Variants in BPIFC observed in about 807,000 individuals in gnomAD.
The protein encoded by BPIFC is BPI fold containing family C.
In BPIFC, 60 loss-of-function variants were observed where a neutral mutation model predicts 57.6. The observed-to-expected ratio is 1.04, with a 90% CI of 0.85 to 1.29. The LOEUF is 1.29. Ranked by LOEUF, BPIFC falls within the 50% of genes most tolerant of loss-of-function variation. The probability of loss-of-function intolerance (pLI) is 0.00; values close to 1 mark genes in which losing one functional copy is unlikely to be tolerated. For missense variants in BPIFC, 581 were observed against 600.5 expected, an observed-to-expected ratio of 0.97 and a Z score of 0.34; for synonymous variants, 243 against 224.5, an observed-to-expected ratio of 1.08 and a Z score of -0.74.
At chr22:32,422,764 G>A (rs5994567) in intron 13 of BPIFC, among the ~76,000 whole-genome samples, 3,590 of 152,128 alleles carry the variant, frequency 0.024, 129 homozygotes, top group African/African-American at 0.077. Flanking sequence ...AGAGTTGTGT[G>A]TGTGTATGTG....
At chr22:32,464,299 T>A (rs1238657173) in intron 1 of BPIFC, 75 bp downstream of exon 1, 5 of 660,276 alleles carry the variant, frequency 7.6e-6, no homozygotes, top group Admixed American at 6.3e-5. Flanking sequence ...GTTCAAAGTG[T>A]CCTACCAAAT....
intron 10 of BPIFC, among the ~76,000 whole-genome samples, chr22:32,434,703 G>A (rs1168336593): frequency 6.6e-6 from 1 of 152,154 alleles, no homozygotes; most frequent in Non-Finnish European, 1.5e-5. Flanking sequence ...GAAGTCTGCA[G>A]CTAGAAGTGT....
intron 13 of BPIFC, among the ~76,000 whole-genome samples, chr22:32,424,579 T>TCTTCTA: frequency 1.3e-5 from 1 of 76,764 alleles, no homozygotes; most frequent in East Asian, 3.4e-4. Context: ...TTTTCTTTCT[T>TCTTCTA]CTTCTTCTTC....
intron 13 of BPIFC, among the ~76,000 whole-genome samples, chr22:32,421,006 C>A (rs950410850): frequency 6.6e-6 from 1 of 152,174 alleles, no homozygotes; most frequent in African/African-American, 2.4e-5. Context: ...ACAGTTATAA[C>A]AGCACATAAT....
chr22:32,437,653 AG>A (rs1352919984), intron 9 of BPIFC, 106 bp downstream of exon 9: 2 of 778,616 alleles, frequency 2.6e-6, no homozygotes, highest in African/African-American at 3.5e-5. Flanking sequence ...GGCCTCCCAA[AG>A]TGCTGGGATT....
intron 4 of BPIFC, among the ~76,000 whole-genome samples, chr22:32,452,651 A>C (rs930234249): frequency 1.5e-4 from 22 of 147,690 alleles, no homozygotes; most frequent in Non-Finnish European, 3.0e-4. Flanking sequence ...AAAAAAAAAA[A>C]CACAAAAAAC....
chr22:32,449,739 T>TC (rs201593140), intron 4 of BPIFC, among the ~76,000 whole-genome samples: 2 of 106,894 alleles, frequency 1.9e-5, no homozygotes, highest in Non-Finnish European at 2.3e-5. Flanking sequence ...TGTACTTCTC[T>TC]TTTTTTCTTT....
intron 13 of BPIFC, among the ~76,000 whole-genome samples, chr22:32,425,501 G>A (rs182762090): frequency 3.9e-5 from 6 of 152,310 alleles, no homozygotes; most frequent in Admixed American, 2.0e-4. Flanking sequence ...TGAATCAGGG[G>A]ACTCTGGAAA....
intron 7 of BPIFC, among the ~76,000 whole-genome samples, chr22:32,444,532 A>G (rs1328622934): frequency 6.6e-6 from 1 of 152,152 alleles, no homozygotes; most frequent in Non-Finnish European, 1.5e-5. Context: ...ATCTCCCCCA[A>G]AATACAGGTA....
intron 3 of BPIFC, 65 bp from the exon 4 acceptor site, chr22:32,453,568 A>G: frequency 1.3e-6 from 2 of 1,502,046 alleles, no homozygotes; most frequent in East Asian, 2.3e-5. Flanking sequence ...AATAACATTA[A>G]CCACACAAAT....
intron 9 of BPIFC, among the ~76,000 whole-genome samples, chr22:32,436,376 GGAA>G (rs367609602): frequency 0.33 from 27,397 of 82,444 alleles, 2,830 homozygotes; most frequent in South Asian, 0.53. Context: ...AGGAGGAGGA[GGAA>G]GAGGAGGAGG....
chr22:32,459,656 C>G (rs372680562), intron 2 of BPIFC, among the ~76,000 whole-genome samples: 4 of 151,504 alleles, frequency 2.6e-5, no homozygotes, highest in African/African-American at 9.7e-5. Flanking sequence ...GAGTGAGACT[C>G]CATTTCCAAA....
Position 32,437,748 on chromosome 22 carries a change from T to C in BPIFC, c.747+12A>G. Reference sequence around the variant, plus strand: ...ACAGCCAGGCTGAGGATTCTGATGATGATAAAGTTACCTTCAAGTTCAGGT... The same window carrying C: ...ACAGCCAGGCTGAGGATTCTGATGACGATAAAGTTACCTTCAAGTTCAGGT... On this transcript the variant is annotated intron_variant, in intron 9 of 16. Coordinates refer to ENST00000300399, the MANE Select transcript of BPIFC (RefSeq NM_174932.3). 6.4e-7 allele frequency: 1 copy of C among 1,559,718 alleles called. No homozygotes were observed. The highest frequency in any genetic ancestry group is 8.8e-7 in the Non-Finnish European group (1 of 1,130,850).
intron 13 of BPIFC, among the ~76,000 whole-genome samples, chr22:32,422,082 T>C (rs1425535704): frequency 1.3e-5 from 2 of 152,148 alleles, no homozygotes; most frequent in Non-Finnish European, 2.9e-5. Context: ...TTGACTAGGC[T>C]CAGTGCCTCT....
chr22:32,418,794 T>C (rs1382426184), intron 14 of BPIFC, among the ~76,000 whole-genome samples: 1 of 152,066 alleles, frequency 6.6e-6, no homozygotes, highest in Non-Finnish European at 1.5e-5. Flanking sequence ...CATGAATGTA[T>C]GAGATAGTGA....
chr22:32,457,845 A>G (rs559146715), intron 2 of BPIFC, among the ~76,000 whole-genome samples: 13 of 152,220 alleles, frequency 8.5e-5, no homozygotes, highest in African/African-American at 2.4e-4. Flanking sequence ...CACACTTTAC[A>G]CAGTGCATAT....
At chr22:32,446,601 C>A (rs1934737300) in intron 5 of BPIFC, 1 of 235,762 alleles carries the variant, frequency 4.2e-6, no homozygotes, top group Non-Finnish European at 6.9e-6. Flanking sequence ...ACACAGCAGG[C>A]ACTCAATAAA....
chr22:32,454,439 G>C (rs186226850), intron 3 of BPIFC, among the ~76,000 whole-genome samples: 2 of 152,122 alleles, frequency 1.3e-5, no homozygotes, highest in Non-Finnish European at 2.9e-5. Context: ...AATAACGACT[G>C]CTTTTGTTTC....
intron 9 of BPIFC, 127 bp downstream of exon 9, chr22:32,437,633 C>T (rs1275206546): frequency 3.1e-6 from 2 of 637,378 alleles, no homozygotes; most frequent in South Asian, 2.0e-5. Flanking sequence ...TCAAGTGATC[C>T]ACCTGCCTGG....
Sources: allele counts gnomAD v4.1 joint callset (sites outside exome capture counted in the v4.1 genomes callset), GRCh38; gene constraint gnomAD v4.1.1; transcripts MANE v1.5; gene names NCBI Gene and HGNC (gene_info 2026-07-23, HGNC 2026-07-21).